Variants in SYDE2 observed in about 807,000 individuals in gnomAD.
SYDE2 encodes the protein rho GTPase-activating protein SYDE2.
Under a neutral mutation model 91.5 loss-of-function variants are expected in SYDE2, and 76 were observed. The ratio of observed to expected loss-of-function variants is 0.83; its 90% confidence interval spans 0.69 to 1.01. The LOEUF (loss-of-function observed/expected upper bound fraction) is 1.01. Among genes scored for constraint, SYDE2 ranks in the 50% least tolerant of loss-of-function variants. The probability of loss-of-function intolerance (pLI) is 0.00; values close to 1 mark genes in which losing one functional copy is unlikely to be tolerated. For missense variants in SYDE2, 1,364 were observed against 1,367.7 expected (o/e 1.00, Z 0.04); for synonymous variants, 513 against 506.4 (o/e 1.01, Z -0.18).
At chr1:85,155,490 T>A (rs11161534), downstream of SYDE2, among the ~76,000 whole-genome samples, 26,211 of 151,534 alleles carry the variant, frequency 0.17, 3,350 homozygotes, top group African/African-American at 0.36. Flanking sequence ...AGATTTTTTT[T>A]AAAAAAAAAG....
downstream of SYDE2, chr1:85,156,747 A>C (rs1190052573): frequency 6.6e-6 from 1 of 152,176 alleles, no homozygotes; most frequent in African/African-American, 2.4e-5. Flanking sequence ...ATTCTGGACA[A>C]ATAAATGTTA....
At chr1:85,173,366 CA>C (rs976156202) in intron 4 of SYDE2, among the ~76,000 whole-genome samples, 1 of 152,176 alleles carries the variant, frequency 6.6e-6, no homozygotes, top group Non-Finnish European at 1.5e-5. Flanking sequence ...CTGCAGGTAT[CA>C]GGGGGAGCAG....
rs781144648 is a variant in SYDE2, at chr1:85,182,366, C to T, written c.2276G>A (p.Cys759Tyr). Reference protein sequence around the residue: ...WEPTPRKNRVCCHGTVVLPTL... With the variant: ...WEPTPRKNRVYCHGTVVLPTL... ...GGGAAGAACAACAGTTCCATGACAA[C>T]AAACTCGATTTTTTCTTGGAGTGGG... The change falls in exon 3 of 7, where the codon TGT (cysteine) becomes TAT (tyrosine). Residue 759 changes from cysteine to tyrosine, a missense_variant. Transcript: ENST00000341460. The T allele has an allele frequency of 3.1e-6, 5 of 1,613,862 alleles. No individual in the cohort carries two copies. Among genetic ancestry groups the T allele is most frequent in the Non-Finnish European group, 8.5e-7 (1 of 1,179,838 alleles).
intron 2 of SYDE2, among the ~76,000 whole-genome samples, chr1:85,185,337 TTG>T (rs1658092049): frequency 6.6e-6 from 1 of 151,010 alleles, no homozygotes; most frequent in Admixed American, 6.6e-5. Flanking sequence ...TACTTTTAAG[TTG>T]TGTTTTTAAA....
intron 6 of SYDE2, chr1:85,159,723 G>T: frequency 2.1e-6 from 1 of 478,764 alleles, no homozygotes; most frequent in Non-Finnish European, 2.7e-6. Context: ...ACCCTTGTGG[G>T]CTTTTCTGCA....
At chr1:85,168,822 T>C (rs1657395890) in intron 5 of SYDE2, among the ~76,000 whole-genome samples, 1 of 152,242 alleles carries the variant, frequency 6.6e-6, no homozygotes. Flanking sequence ...TGAGTATTCA[T>C]GCTTGGGCTA....
chr1:85,189,392 G>T (rs1478658841), intron 2 of SYDE2, among the ~76,000 whole-genome samples: 1 of 152,172 alleles, frequency 6.6e-6, no homozygotes, highest in East Asian at 1.9e-4. Flanking sequence ...AAACTTTTCA[G>T]CTGTGGCCAG....
chr1:85,160,731 T>G, intron 6 of SYDE2: 1 of 985,426 alleles, frequency 1.0e-6, no homozygotes, highest in Non-Finnish European at 1.2e-6. Context: ...CACCAACCAA[T>G]TACAATATTC....
rs1656927825 is a variant in SYDE2 at position 85,158,194 on chromosome 1, A to T, written c.*556T>A. 1 of 152,348 alleles carries T rather than the reference A, an allele frequency of 6.6e-6. No individual in the cohort carries two copies. The highest frequency in any genetic ancestry group is 2.1e-4 in the South Asian group (1 of 4,840). 9.4% of individuals were successfully genotyped at this position (152,348 alleles called of 1,614,324 possible). A position where few individuals can be genotyped will look rare whatever the true frequency, so the allele number is the denominator to read the frequency against. On this transcript the variant is annotated 3_prime_UTR_variant, in exon 7 of 7. Transcript: ENST00000341460. ...GGAGTTCGAGACCAGCCTGGCCAAC[A>T]TGGTGAAACCCCATCTTTACTAAAA...
At chr1:85,179,490 C>T (rs1025420310) in intron 3 of SYDE2, among the ~76,000 whole-genome samples, 1 of 152,028 alleles carries the variant, frequency 6.6e-6, no homozygotes, top group African/African-American at 2.4e-5. Context: ...TAGTAAAGAA[C>T]CTAAAACTAT....
chr1:85,168,532 G>T (rs187349783), intron 5 of SYDE2, among the ~76,000 whole-genome samples: 1 of 152,270 alleles, frequency 6.6e-6, no homozygotes, highest in Admixed American at 6.5e-5. Flanking sequence ...AGCTGAGGAT[G>T]CTGGTCTGAA....
Position 85,190,612 on chromosome 1 carries a change from G to A in SYDE2, c.886C>T (p.Leu296=), listed in dbSNP as rs968294444. 8.1e-6 allele frequency: 13 copies of A among 1,613,820 alleles called. No individual in the cohort carries two copies. Among genetic ancestry groups the A allele is most frequent in the Admixed American group, 1.7e-5 (1 of 59,998 alleles). ...TCTTCTTCCAGATTAAGAGGCCTCA[G>A]AGTACTCTGATATAGCCAATTGCGT... ...KKRNWLYQST[L]RPLNLEEENK... is the part of the protein sequence containing the mutation. The change falls in exon 2 of 7, where the codon CTG becomes TTG. Residue 296 remains leucine, a synonymous_variant. Coordinates refer to ENST00000341460, the MANE Select transcript of SYDE2 (RefSeq NM_032184.2).
chr1:85,157,003 C>T lies in SYDE2; in HGVS notation c.*1747G>A, dbSNP rs1656897231. Reference sequence around the variant, plus strand: ...AAGAGTACTTTCCTTTGACTGTTTACTCAATATATATGTTCTCTTGGTATT... The same window carrying T: ...AAGAGTACTTTCCTTTGACTGTTTATTCAATATATATGTTCTCTTGGTATT... On this transcript the variant is annotated 3_prime_UTR_variant, in exon 7 of 7. Transcript: ENST00000341460. The T allele has an allele frequency of 6.6e-6, 1 of 151,966 alleles. No homozygotes were observed. 9.4% of individuals were successfully genotyped at this position (151,966 alleles called of 1,614,324 possible).
At chr1:85,175,741 T>C (rs1416901739) in intron 4 of SYDE2, among the ~76,000 whole-genome samples, 1 of 152,208 alleles carries the variant, frequency 6.6e-6, no homozygotes, top group Non-Finnish European at 1.5e-5. Flanking sequence ...ACATTAAGCA[T>C]CACTGTCACT....
chr1:85,158,578 A>G lies in SYDE2; in HGVS notation c.*172T>C. 2.0e-6 allele frequency: 1 copy of G among 496,932 alleles called. No homozygotes were observed. The highest frequency in any genetic ancestry group is 3.5e-6 in the Non-Finnish European group (1 of 286,090). 30.8% of individuals were successfully genotyped at this position (496,932 alleles called of 1,614,324 possible). A position where few individuals can be genotyped will look rare whatever the true frequency, so the allele number is the denominator to read the frequency against. On this transcript the variant is annotated 3_prime_UTR_variant, in exon 7 of 7. Transcript: ENST00000341460. ...CCCCAGAAAAGTTTTCTAGTGAGAT[A>G]AGTAAAAATTGTATTAATGAATAGT...
intron 1 of SYDE2, among the ~76,000 whole-genome samples, chr1:85,191,526 G>A (rs761413837): frequency 2.6e-5 from 4 of 152,120 alleles, no homozygotes; most frequent in Non-Finnish European, 5.9e-5. Flanking sequence ...TTGGGAGGCC[G>A]AGGCAGGAGG....
downstream of SYDE2, chr1:85,152,728 A>C (rs1656809310): frequency 1.3e-5 from 2 of 152,240 alleles, no homozygotes; most frequent in Admixed American, 1.3e-4. Flanking sequence ...TACATTCTAC[A>C]GGAGTGGACA....
chr1:85,197,356 C>T lies in SYDE2; in HGVS notation c.745+2896G>A, dbSNP rs543913713. Among the ~76,000 whole-genome samples, 3 of 152,232 alleles carry T rather than the reference C, an allele frequency of 2.0e-5. No homozygotes were observed. In the South Asian group the frequency reaches 6.2e-4, roughly 32 times the overall value. On this transcript the variant is annotated intron_variant, in intron 1 of 6. Coordinates refer to ENST00000341460, the MANE Select transcript of SYDE2 (RefSeq NM_032184.2). ...TATAGTCTCAAAAATTTTCACAATA[C>T]CTATATGAAGTATCTCCATTCCACT...
At chr1:85,172,566 CCAGA>C (rs1277840527) in intron 4 of SYDE2, among the ~76,000 whole-genome samples, 9 of 152,010 alleles carry the variant, frequency 5.9e-5, no homozygotes, top group African/African-American at 2.2e-4. Context: ...ACTGAAAATG[CCAGA>C]CAAAATATCT....
Sources: allele counts gnomAD v4.1 joint callset (sites outside exome capture counted in the v4.1 genomes callset), GRCh38; gene constraint gnomAD v4.1.1; transcripts MANE v1.5; gene names NCBI Gene and HGNC (gene_info 2026-07-23, HGNC 2026-07-21).